MRO: variants seen among roughly 807,000 people sequenced by gnomAD.
MRO encodes the protein protein maestro.
Under a neutral mutation model 31.0 loss-of-function variants are expected in MRO, and 28 were observed. The observed-to-expected ratio is 0.90, with a 90% CI of 0.67 to 1.24. The LOEUF (loss-of-function observed/expected upper bound fraction) is 1.24. MRO is among the 50% of genes most tolerant of loss of function. The pLI, the probability that MRO is intolerant of heterozygous loss-of-function variation, is 0.00. For synonymous variants in MRO, 108 were observed against 108.4 expected, an observed-to-expected ratio of 1.00 and a Z score of 0.02; for missense variants, 332 against 289.2, an observed-to-expected ratio of 1.15 and a Z score of -1.07.
rs3813090 is a variant in MRO at position 50,819,911 on chromosome 18, G to T, written c.-141C>A. On this transcript the variant is annotated 5_prime_UTR_variant, in exon 1 of 8. Coordinates refer to ENST00000398439, the MANE Select transcript of MRO (RefSeq NM_031939.6). ...TGACTTGCTACCTTTGCTTCCCCAC[G>T]CCATGCTGAGGTGTTTTTCCTTCTC... The T allele has an allele frequency of 6.0e-4, 929 of 1,551,588 alleles. 13 individuals carry two copies. The East Asian group carries it at 0.021, about 35-fold the overall frequency.
rs200177075 is a variant in MRO at position 50,801,508 on chromosome 18, C to T, written c.430-4G>A. On this transcript the variant is annotated splice_polypyrimidine_tract_variant and splice_region_variant and intron_variant, in intron 5 of 7. Transcript: ENST00000398439. ...AGTATCTCAGACTGTCGTTCTCCTGCGGTCCCCATCAACAAAACAATAAGA... is the reference window on the plus strand; with the variant it reads ...AGTATCTCAGACTGTCGTTCTCCTGTGGTCCCCATCAACAAAACAATAAGA... 4.1e-5 allele frequency: 64 copies of T among 1,579,920 alleles called. No individual in the cohort carries two copies. The highest frequency in any genetic ancestry group is 9.3e-5 in the Admixed American group (5 of 53,612).
intron 2 of MRO, among the ~76,000 whole-genome samples, chr18:50,813,570 ACTGGGATGTGG>A (rs1914641296): frequency 1.3e-5 from 2 of 152,236 alleles, no homozygotes; most frequent in Non-Finnish European, 1.5e-5. Flanking sequence ...CCCAGGGGAC[ACTGGGATGTGG>A]CTGGTTTGGT....
chr18:50,808,636 T>G (rs1342476424), intron 3 of MRO, among the ~76,000 whole-genome samples: 3 of 151,376 alleles, frequency 2.0e-5, no homozygotes, highest in Non-Finnish European at 2.9e-5. Flanking sequence ...TTTGTGTTTT[T>G]GGTAGAGACA....
At chr18:50,805,565 G>T (rs1171157347) in intron 4 of MRO, among the ~76,000 whole-genome samples, 1 of 152,160 alleles carries the variant, frequency 6.6e-6, no homozygotes, top group Non-Finnish European at 1.5e-5. Context: ...AGTGTGGCAT[G>T]TGGGTGGGTG....
chr18:50,818,820 A>G (rs1915139553), intron 2 of MRO, among the ~76,000 whole-genome samples: 1 of 152,154 alleles, frequency 6.6e-6, no homozygotes, highest in Non-Finnish European at 1.5e-5. Context: ...TGGGAGGCTG[A>G]GGCAGGCAGA....
At chr18:50,816,821 C>T (rs928523898) in intron 2 of MRO, among the ~76,000 whole-genome samples, 3 of 152,074 alleles carry the variant, frequency 2.0e-5, no homozygotes, top group African/African-American at 7.2e-5. Flanking sequence ...AGCTGAGGGC[C>T]CACTCACCAA....
chr18:50,824,444 T>C (rs1354381328), upstream of MRO, among the ~76,000 whole-genome samples: 1 of 127,580 alleles, frequency 7.8e-6, no homozygotes, highest in East Asian at 2.1e-4. Flanking sequence ...CTGTCTTTTC[T>C]TTTTTTTTTT....
In MRO at chr18:50,799,223, C is replaced by G; in HGVS notation, c.*114G>C. The G allele has an allele frequency of 6.7e-6, 6 of 896,648 alleles. No individual in the cohort carries two copies. The highest frequency in any genetic ancestry group is 1.1e-5 in the Non-Finnish European group (6 of 546,574). 55.5% of individuals were successfully genotyped at this position (896,648 alleles called of 1,614,324 possible). ...GATTGCTCTCCCAGCACCCTCTTTC[C>G]CATTACAATCCCAAGAGGCAAGCAG... On this transcript the variant is annotated 3_prime_UTR_variant, in exon 8 of 8. Coordinates refer to ENST00000398439, the MANE Select transcript of MRO (RefSeq NM_031939.6).
At chr18:50,811,058 G>A (rs1914433509) in intron 2 of MRO, among the ~76,000 whole-genome samples, 1 of 152,108 alleles carries the variant, frequency 6.6e-6, no homozygotes, top group Admixed American at 6.5e-5. Context: ...GGAGTCAACG[G>A]GATCCCATGC....
At chr18:50,810,371 G>A (rs997624895) in intron 2 of MRO, among the ~76,000 whole-genome samples, 8 of 152,194 alleles carry the variant, frequency 5.3e-5, no homozygotes, top group Admixed American at 1.3e-4. Context: ...ACGATATACT[G>A]TTGAGTGAAA....
At chr18:50,823,200 G>C (rs1270654475), upstream of MRO, among the ~76,000 whole-genome samples, 1 of 152,088 alleles carries the variant, frequency 6.6e-6, no homozygotes, top group Non-Finnish European at 1.5e-5. Flanking sequence ...CGCCTCCAAG[G>C]CAGACAGCCT....
intron 2 of MRO, 56 bp downstream of exon 2, chr18:50,819,525 T>A: frequency 3.2e-6 from 5 of 1,545,068 alleles, no homozygotes; most frequent in Non-Finnish European, 4.4e-6. Context: ...GGAACCCAAG[T>A]GCAGCCAGGA....
chr18:50,797,208 T>C lies in MRO; in HGVS notation c.*2129A>G, dbSNP rs1290562999. ...CTCGGGTCTGGCTGGAAGGGACAAC[T>C]TGTGTCATGTGTCCGGGCCTCAGAC... On this transcript the variant is annotated 3_prime_UTR_variant, in exon 8 of 8. Coordinates refer to ENST00000398439, the MANE Select transcript of MRO (RefSeq NM_031939.6). The C allele has an allele frequency of 6.6e-6, 1 of 152,242 alleles. No individual in the cohort carries two copies. Among genetic ancestry groups the C allele is most frequent in the Admixed American group, 6.5e-5 (1 of 15,286 alleles). The allele number at this position is 152,242 out of a possible 1,614,324, so 9.4% of individuals were successfully genotyped here.
At chr18:50,815,613 C>T (rs891629526) in intron 2 of MRO, 2 of 304,550 alleles carry the variant, frequency 6.6e-6, no homozygotes, top group Non-Finnish European at 1.3e-5. Flanking sequence ...ATCTTGGAAA[C>T]AGCGATCAAA....
chr18:50,818,003 C>A (rs573090022), intron 2 of MRO, among the ~76,000 whole-genome samples: 1 of 129,102 alleles, frequency 7.7e-6, no homozygotes, highest in Non-Finnish European at 1.6e-5. Flanking sequence ...CACCCCCCGC[C>A]CCATGCCCTC....
intron 7 of MRO, 110 bp downstream of exon 7, chr18:50,799,926 C>T (rs933425616): frequency 4.3e-5 from 32 of 746,070 alleles, no homozygotes; most frequent in Non-Finnish European, 5.4e-5. Context: ...ACATAGTTGG[C>T]CTGAGTCATT....
At position 50,799,330 on chromosome 18, in the gene MRO, T is replaced by C; in HGVS notation, c.*7A>G. On this transcript the variant is annotated 3_prime_UTR_variant, in exon 8 of 8. Coordinates refer to ENST00000398439, the MANE Select transcript of MRO (RefSeq NM_031939.6). ...TCATACAGAACCATTTCCCTGCTGC[T>C]CTGCGCTTACAGAATTTTATTTGCG... The C allele has an allele frequency of 6.2e-7, 1 of 1,613,014 alleles. No individual in the cohort carries two copies. Among genetic ancestry groups the C allele is most frequent in the Non-Finnish European group, 8.5e-7 (1 of 1,178,938 alleles).
chr18:50,799,998 G>T, intron 7 of MRO, 38 bp downstream of exon 7: 1 of 1,444,704 alleles, frequency 6.9e-7, no homozygotes, highest in South Asian at 1.2e-5. Flanking sequence ...GGAGGGCAGG[G>T]ACCGGAAAAG....
chr18:50,805,311 A>G lies in MRO; in HGVS notation c.272T>C (p.Leu91Pro). Reference sequence around the variant, plus strand: ...ATACAGTCCATACACCAGCAGGTCGAGGACAATTTTCTTATACTTTCTCAC... The same window carrying G: ...ATACAGTCCATACACCAGCAGGTCGGGGACAATTTTCTTATACTTTCTCAC... ...DKVRKYKKIV[L>P]DLLVYGLYDP... Residue 91 changes from leucine (L) to proline (P), a missense_variant, in exon 5 of 8, where the codon CTC becomes CCC. Coordinates refer to ENST00000398439, the MANE Select transcript of MRO (RefSeq NM_031939.6). The G allele has an allele frequency of 6.2e-7, 1 of 1,613,954 alleles. No individual in the cohort carries two copies. Among genetic ancestry groups the G allele is most frequent in the South Asian group, 1.1e-5 (1 of 90,986 alleles).
Sources: gnomAD v4.1 joint callset for allele counts (sites outside exome capture counted in the v4.1 genomes callset) on GRCh38, gnomAD v4.1.1 for gene constraint, MANE v1.5 for transcripts, NCBI Gene and HGNC (gene_info 2026-07-23, HGNC 2026-07-21) for gene names.